The following POR variants were observed in gnomAD, a reference collection of about 807,000 sequenced individuals.
The protein encoded by POR is cytochrome p450 oxidoreductase.
In POR, 56 loss-of-function variants were observed where a neutral mutation model predicts 84.0. The observed-to-expected ratio is 0.67, with a 90% confidence interval of 0.54 to 0.83. The LOEUF is 0.83. POR is among the 40% of genes least tolerant of loss of function. The pLI, the probability that POR is intolerant of heterozygous loss-of-function variation, is 0.00. For missense variants in POR, 938 were observed against 944.3 expected (o/e 0.99, Z 0.09); for synonymous variants, 414 against 400.5 (o/e 1.03, Z -0.40).
At chr7:75,971,344 C>A (rs1006573564) in intron 2 of POR, among the ~76,000 whole-genome samples, 5 of 152,144 alleles carry the variant, frequency 3.3e-5, no homozygotes, top group African/African-American at 1.2e-4. Flanking sequence ...CAAATCTCCA[C>A]CACCCAGAGG....
At chr7:75,938,402 C>T (rs1406942407) in intron 1 of POR, among the ~76,000 whole-genome samples, 1 of 152,166 alleles carries the variant, frequency 6.6e-6, no homozygotes, top group Non-Finnish European at 1.5e-5. Flanking sequence ...TCCCCAGGGC[C>T]AAACACCTTA....
chr7:75,937,627 C>T (rs994879356), intron 1 of POR, among the ~76,000 whole-genome samples: 3 of 151,262 alleles, frequency 2.0e-5, no homozygotes, highest in African/African-American at 4.9e-5. Flanking sequence ...ACTAAAAATA[C>T]AAAAATTAGC....
chr7:75,973,794 G>A (rs782353572), intron 3 of POR, among the ~76,000 whole-genome samples: 8 of 135,268 alleles, frequency 5.9e-5, no homozygotes, highest in Admixed American at 8.6e-5. Context: ...TGATTCTCCC[G>A]CATCAGCCTC....
intron 1 of POR, among the ~76,000 whole-genome samples, chr7:75,926,980 G>A (rs1807162319): frequency 6.6e-6 from 1 of 152,040 alleles, no homozygotes; most frequent in Non-Finnish European, 1.5e-5. Context: ...GCTGCAAAAT[G>A]AACCCCAGGT....
chr7:75,950,689 A>G (rs1212392750), intron 1 of POR, among the ~76,000 whole-genome samples: 1 of 152,204 alleles, frequency 6.6e-6, no homozygotes, highest in Non-Finnish European at 1.5e-5. Flanking sequence ...GCATTAAGTA[A>G]ATATTAAATG....
intron 15 of POR, 31 bp downstream of exon 15, chr7:75,986,272 C>G: frequency 6.2e-7 from 1 of 1,612,556 alleles, no homozygotes; most frequent in Non-Finnish European, 8.5e-7. Flanking sequence ...GAATAGGGGG[C>G]AGGGAGGACA....
chr7:75,984,177 C>T (rs1269893244), intron 10 of POR, among the ~76,000 whole-genome samples: 3 of 152,214 alleles, frequency 2.0e-5, no homozygotes, highest in African/African-American at 4.8e-5. Flanking sequence ...CCTGGCTCCA[C>T]GACCCACCTC....
chr7:75,945,365 T>G (rs1554552015), intron 1 of POR: 1 of 152,132 alleles, frequency 6.6e-6, no homozygotes, highest in Non-Finnish European at 1.5e-5. Flanking sequence ...ATCTACAGAT[T>G]CAAGAAACTG....
intron 10 of POR, 44 bp from the exon 11 acceptor site, chr7:75,984,733 G>T: frequency 1.3e-6 from 2 of 1,577,276 alleles, no homozygotes; most frequent in Non-Finnish European, 1.7e-6. Context: ...CCATCCCCAG[G>T]AGGCGGCCGC....
At chr7:75,927,994 C>T (rs7781768) in intron 1 of POR, among the ~76,000 whole-genome samples, 6 of 122,948 alleles carry the variant, frequency 4.9e-5, no homozygotes, top group South Asian at 2.5e-4. Context: ...TTTTTTGAGA[C>T]GGAGTCTTGC....
rs368695202 is a variant in POR at position 75,967,286 on chromosome 7, C to A, written c.189-5127C>A. On this transcript the variant is annotated intron_variant, in intron 2 of 15. Coordinates refer to ENST00000461988, the MANE Select transcript of POR (RefSeq NM_000941.3). ...TGCACTCCGCCGAGCCTTGGGCTTT[C>A]GGATGGGCTGTTTGCACTCGGGAAC... 1.4e-4 allele frequency among the ~76,000 whole-genome samples: 21 copies of A among 152,264 alleles called. No individual in the cohort carries two copies. The East Asian group carries it at 3.7e-3, about 27-fold the overall frequency.
Position 75,985,221 on chromosome 7 carries a change from C to T in POR, c.1398+14C>T. 4 of 1,577,060 alleles carry T rather than the reference C, an allele frequency of 2.5e-6. No homozygotes were observed. The highest frequency in any genetic ancestry group is 3.4e-6 in the Non-Finnish European group (4 of 1,164,962). ...TCATCCTCCAAGGTGAGGGCCGGCA[C>T]TGCCCTGCCAGCCACACGCTGGAGG... On this transcript the variant is annotated intron_variant, in intron 12 of 15. Transcript: ENST00000461988.
At chr7:75,974,736 A>G (rs1554556636) in intron 3 of POR, among the ~76,000 whole-genome samples, 1 of 152,084 alleles carries the variant, frequency 6.6e-6, no homozygotes, top group African/African-American at 2.4e-5. Context: ...CATGTTGGCC[A>G]GGCTGGTCTC....
intron 1 of POR, chr7:75,943,836 C>T (rs189520325): frequency 3.1e-5 from 16 of 511,238 alleles, no homozygotes; most frequent in African/African-American, 1.6e-4. Flanking sequence ...AAGATATGAG[C>T]GAATGCTATA....
intron 5 of POR, chr7:75,980,743 C>A: frequency 6.8e-7 from 1 of 1,471,858 alleles, no homozygotes; most frequent in Non-Finnish European, 9.0e-7. Flanking sequence ...TCTGGCTGGA[C>A]GACTGAGACC....
At chr7:75,925,808 C>T (rs1297695345) in intron 1 of POR, among the ~76,000 whole-genome samples, 3 of 152,082 alleles carry the variant, frequency 2.0e-5, no homozygotes, top group East Asian at 3.9e-4. Flanking sequence ...GAGGTTCAGG[C>T]TCGGTTGTAA....
chr7:75,956,120 G>A (rs781938408), intron 2 of POR, among the ~76,000 whole-genome samples: 1 of 152,068 alleles, frequency 6.6e-6, no homozygotes, highest in Non-Finnish European at 1.5e-5. Flanking sequence ...CCAACATGGC[G>A]AAACCCCGTC....
chr7:75,959,723 T>C (rs980279542), intron 2 of POR, among the ~76,000 whole-genome samples: 6 of 152,178 alleles, frequency 3.9e-5, no homozygotes, highest in African/African-American at 1.4e-4. Flanking sequence ...CCCAAAATAC[T>C]GGGATTACAG....
chr7:75,928,265 G>A (rs900921723), intron 1 of POR, among the ~76,000 whole-genome samples: 2 of 152,054 alleles, frequency 1.3e-5, no homozygotes, highest in African/African-American at 2.4e-5. Context: ...CACCACACCC[G>A]GCTTCTATCT....
Sources: gnomAD v4.1 joint callset for allele counts (sites outside exome capture counted in the v4.1 genomes callset) on GRCh38, gnomAD v4.1.1 for gene constraint, MANE v1.5 for transcripts, NCBI Gene and HGNC (gene_info 2026-07-23, HGNC 2026-07-21) for gene names.